The following WNK1 variants were observed in gnomAD, a reference collection of about 807,000 sequenced individuals.
The protein encoded by WNK1 is WNK lysine deficient protein kinase 1.
A neutral mutation model predicts 222.8 loss-of-function variants in WNK1; 38 were observed. The observed-to-expected ratio is 0.17, with a 90% CI of 0.13 to 0.22. The LOEUF (loss-of-function observed/expected upper bound fraction) is 0.22, where lower values mean the gene tolerates loss of function less well. Ranked by LOEUF, WNK1 falls within the 10% of genes least tolerant of loss-of-function variation. WNK1 has a pLI of 1.00. For missense variants in WNK1, 2,348 were observed against 2,918.4 expected (o/e 0.80, Z 4.50); for synonymous variants, 1,090 against 1,092.9 (o/e 1.00, Z 0.05).
Position 869,052 on chromosome 12 carries a change from A to C in WNK1, c.2140-2213A>C, listed in dbSNP as rs1951922964. ...TGTTTCCCCCAAGGAACCACATCTC[A>C]GCAGGTCTTAACTGCCTCATTTTCT... On this transcript the variant is annotated intron_variant, in intron 8 of 27. Coordinates refer to ENST00000315939, the MANE Select transcript of WNK1 (RefSeq NM_018979.4). 1.9e-6 allele frequency: 3 copies of C among 1,613,916 alleles called. No homozygotes were observed. Among genetic ancestry groups the C allele is most frequent in the Non-Finnish European group, 2.5e-6 (3 of 1,179,856 alleles).
chr12:868,426 T>A, intron 8 of WNK1: 1 of 1,613,986 alleles, frequency 6.2e-7, no homozygotes, highest in Non-Finnish European at 8.5e-7. Context: ...TCTTTGAATT[T>A]CCATCTGGAC....
At chr12:838,109 GTA>G (rs1555117898) in intron 4 of WNK1, among the ~76,000 whole-genome samples, 1 of 148,128 alleles carries the variant, frequency 6.8e-6, no homozygotes, top group African/African-American at 2.5e-5. Flanking sequence ...GTGTGTGTGT[GTA>G]TGTATAAACA....
chr12:817,452 A>G (rs1947449805), intron 2 of WNK1, among the ~76,000 whole-genome samples: 1 of 152,220 alleles, frequency 6.6e-6, no homozygotes, highest in Non-Finnish European at 1.5e-5. Context: ...ATTCATATTC[A>G]TTTCTGGAAG....
intron 8 of WNK1, among the ~76,000 whole-genome samples, chr12:866,201 A>G (rs1951653163): frequency 6.6e-6 from 1 of 152,234 alleles, no homozygotes; most frequent in Non-Finnish European, 1.5e-5. Context: ...AGTAAATAAC[A>G]ATAAAATGAG....
rs779638918 is a variant in WNK1 at position 753,575 on chromosome 12, G to T, written c.10G>T (p.Gly4Cys). The part of the protein sequence containing the change: MSG[G>C]AAEKQSSTPG... The stretch of plus-strand genomic sequence containing the variant: ...CTCCAGCGAACCGACCATGTCTGGC[G>T]GCGCCGCAGAGAAGCAGAGCAGCAC... Residue 4 changes from glycine (G) to cysteine (C), a missense_variant, in exon 1 of 28, where the codon GGC (glycine) becomes TGC (cysteine). Physicochemically the swap from Gly to Cys is radical, Grantham distance 159. This residue lies in a region of WNK1 where 108 missense variants were observed against 109.7 expected (regional missense o/e 0.98). Transcript: ENST00000315939. The surrounding 1 kb of genome is among the most constrained non-coding windows in gnomAD (Gnocchi z 5.2). 6.2e-7 allele frequency: 1 copy of T among 1,612,480 alleles called. No individual in the cohort carries two copies. Among genetic ancestry groups the T allele is most frequent in the Non-Finnish European group, 8.5e-7 (1 of 1,179,914 alleles).
chr12:879,286 C>T (rs1039151706), intron 10 of WNK1, among the ~76,000 whole-genome samples: 1 of 151,764 alleles, frequency 6.6e-6, no homozygotes, highest in Non-Finnish European at 1.5e-5. Context: ...GAAGGGTCCT[C>T]TTCTATTGCC....
intron 2 of WNK1, among the ~76,000 whole-genome samples, chr12:816,700 G>A (rs994950321): frequency 3.9e-5 from 6 of 152,100 alleles, no homozygotes; most frequent in African/African-American, 1.4e-4. Context: ...GATCAGGAAC[G>A]GAAAGAAAAC....
intron 1 of WNK1, among the ~76,000 whole-genome samples, chr12:757,704 A>G (rs1017035476): frequency 7.4e-5 from 9 of 121,010 alleles, no homozygotes; most frequent in Non-Finnish European, 2.0e-5. Flanking sequence ...CTAGAAAGGG[A>G]TCTGGTTTTT....
chr12:854,620 T>C (rs1197722967), intron 4 of WNK1, among the ~76,000 whole-genome samples: 2 of 152,110 alleles, frequency 1.3e-5, no homozygotes, highest in East Asian at 3.9e-4. Flanking sequence ...AGTGCTGGGA[T>C]TATAGGTGTG....
chr12:884,653 T>C lies in WNK1; in HGVS notation c.3849T>C (p.Ala1283=). The change falls in exon 19 of 28, where the codon GCT becomes GCC. Residue 1283 remains alanine (A), a synonymous_variant. Coordinates refer to ENST00000315939, the MANE Select transcript of WNK1 (RefSeq NM_018979.4). This position sits in a 1 kb window ranked among gnomAD's most constrained non-coding sequence, Gnocchi z 5.6. ...VFPSEITDTV[A]ASTAQSPGMN... ...TCTTTTTGTATTCCTTTGCAGTTGCTGCCTCTACAGCTCAGAGCCCTGGAA... is the reference window on the plus strand; with the variant it reads ...TCTTTTTGTATTCCTTTGCAGTTGCCGCCTCTACAGCTCAGAGCCCTGGAA... The C allele has an allele frequency of 6.2e-7, 1 of 1,614,180 alleles. No individual in the cohort carries two copies. Among genetic ancestry groups the C allele is most frequent in the South Asian group, 1.1e-5 (1 of 91,080 alleles).
rs771204045 is a variant in WNK1, at chr12:880,782, A to C, written c.2894A>C (p.Asn965Thr). ...PGDSNIAPSS[N>T]VASVCIHSTV... ...GATTCAAATATTGCTCCCTCTTCCA[A>C]CGTGGCTTCTGTTTGCATCCATTCT... Residue 965 changes from asparagine (N) to threonine (T), a missense_variant, in exon 12 of 28, where the codon AAC becomes ACC. Transcript: ENST00000315939. 1.2e-6 allele frequency: 2 copies of C among 1,613,760 alleles called. No individual in the cohort carries two copies. Among genetic ancestry groups the C allele is most frequent in the South Asian group, 2.2e-5 (2 of 91,052 alleles).
At chr12:812,701 T>C (rs768388196) in intron 1 of WNK1, among the ~76,000 whole-genome samples, 1 of 151,954 alleles carries the variant, frequency 6.6e-6, no homozygotes, top group Non-Finnish European at 1.5e-5. Flanking sequence ...AACAGGAAGG[T>C]AGATCAGAAA....
chr12:908,162 G>A, intron 27 of WNK1, 128 bp downstream of exon 27: 7 of 1,220,320 alleles, frequency 5.7e-6, no homozygotes, highest in Admixed American at 4.0e-5. Context: ...GAAAAACAAG[G>A]CAAAAATCCC....
intron 1 of WNK1, among the ~76,000 whole-genome samples, chr12:755,393 A>G (rs546708652): frequency 1.3e-5 from 2 of 152,356 alleles, no homozygotes; most frequent in South Asian, 4.1e-4. Context: ...TTTATCCATG[A>G]ACTAATATGT....
chr12:753,878 C>G lies in WNK1; in HGVS notation c.313C>G (p.Pro105Ala). ...LPGLPLSLPQPSIPAAVPQSA... is the reference protein window; with the variant it reads ...LPGLPLSLPQASIPAAVPQSA... ...CGGCCTTCCTCTTTCCCTGCCCCAGCCCAGCATCCCCGCGGCTGTCCCGCA... is the reference window on the plus strand; with the variant it reads ...CGGCCTTCCTCTTTCCCTGCCCCAGGCCAGCATCCCCGCGGCTGTCCCGCA... Residue 105 changes from proline (P) to alanine (A), a missense_variant, in exon 1 of 28, where the codon CCC (proline) becomes GCC (alanine). By Grantham distance (27) the Pro-to-Ala change is conservative. Coordinates refer to ENST00000315939, the MANE Select transcript of WNK1 (RefSeq NM_018979.4). This position sits in a 1 kb window ranked among gnomAD's most constrained non-coding sequence, Gnocchi z 5.2. 6.2e-7 allele frequency: 1 copy of G among 1,612,290 alleles called. No homozygotes were observed.
At chr12:900,377 C>T in intron 25 of WNK1, 99 bp from the exon 26 acceptor site, 2 of 1,295,954 alleles carry the variant, frequency 1.5e-6, no homozygotes, top group Non-Finnish European at 2.2e-6. Flanking sequence ...ACCCATCATT[C>T]ATCACTCAGT....
intron 1 of WNK1, among the ~76,000 whole-genome samples, chr12:804,730 C>T (rs980748300): frequency 6.6e-6 from 1 of 151,938 alleles, no homozygotes; most frequent in African/African-American, 2.4e-5. Flanking sequence ...TTTCCCTGGT[C>T]CCTGGCAACC....
chr12:767,124 A>G (rs565440233), intron 1 of WNK1, among the ~76,000 whole-genome samples: 1 of 151,624 alleles, frequency 6.6e-6, no homozygotes, highest in Admixed American at 6.6e-5. Flanking sequence ...AAACAGGTTC[A>G]TGCTCTCTTA....
At chr12:890,316 ATGTTC>A in intron 21 of WNK1, 132 bp from the exon 22 acceptor site, 1 of 897,546 alleles carries the variant, frequency 1.1e-6, no homozygotes, top group South Asian at 1.4e-5. Flanking sequence ...AGAAGATAAA[ATGTTC>A]TCAGACATAA....
Sources: allele counts gnomAD v4.1 joint callset (sites outside exome capture counted in the v4.1 genomes callset), GRCh38; gene constraint gnomAD v4.1.1; regional missense constraint gnomAD v4.1.1; non-coding constraint Gnocchi (gnomAD v3.1); transcripts MANE v1.5; gene names NCBI Gene and HGNC (gene_info 2026-07-23, HGNC 2026-07-21).